Variants in ATP8A1 observed in about 807,000 individuals in gnomAD.
ATP8A1 encodes the protein ATPase phospholipid transporting 8A1.
A neutral mutation model predicts 177.7 loss-of-function variants in ATP8A1; 90 were observed. The ratio of observed to expected loss-of-function variants is 0.51; its 90% CI spans 0.43 to 0.60. ATP8A1 has a LOEUF of 0.60. Among genes scored for constraint, ATP8A1 ranks in the 20% least tolerant of loss-of-function variants. ATP8A1 has a pLI of 0.00. For synonymous variants in ATP8A1, 493 were observed against 485.9 expected (o/e 1.01, Z -0.19); for missense variants, 1,072 against 1,392.8 (o/e 0.77, Z 3.67).
chr4:42,576,475 CAAAAAAAAAAAAAAA>C (rs1159794343), intron 12 of ATP8A1, among the ~76,000 whole-genome samples: 24 of 32,404 alleles, frequency 7.4e-4, no homozygotes, highest in Admixed American at 4.8e-3. Flanking sequence ...GACGCCGTCT[CAAAAAAAAAAAAAAA>C]AAAAAAAAAA....
At chr4:42,548,395 G>T (rs769984724) in intron 19 of ATP8A1, among the ~76,000 whole-genome samples, 1 of 152,048 alleles carries the variant, frequency 6.6e-6, no homozygotes, top group Non-Finnish European at 1.5e-5. Context: ...ATTTCAAAAC[G>T]ATTTCTTTTT....
chr4:42,613,247 A>G (rs28690517), intron 5 of ATP8A1, among the ~76,000 whole-genome samples: 6,340 of 152,296 alleles, frequency 0.042, 178 homozygotes, highest in African/African-American at 0.077. Flanking sequence ...AAACAAAAAT[A>G]TACTATTCTC....
intron 24 of ATP8A1, among the ~76,000 whole-genome samples, chr4:42,490,421 G>A (rs1159663544): frequency 1.3e-5 from 2 of 152,160 alleles, no homozygotes; most frequent in African/African-American, 4.8e-5. Flanking sequence ...TCCATGTCTA[G>A]TGGATTCCAT....
intron 1 of ATP8A1, among the ~76,000 whole-genome samples, chr4:42,650,208 A>C (rs1740945319): frequency 6.6e-6 from 1 of 152,238 alleles, no homozygotes; most frequent in African/African-American, 2.4e-5. Context: ...TGAAGATAGA[A>C]AACCTAAAAT....
At chr4:42,429,461 A>C (rs899947801) in intron 33 of ATP8A1, among the ~76,000 whole-genome samples, 1 of 151,920 alleles carries the variant, frequency 6.6e-6, no homozygotes, top group African/African-American at 2.4e-5. Flanking sequence ...TACCAGCATT[A>C]ACAAAGATTT....
chr4:42,455,643 A>C lies in ATP8A1; in HGVS notation c.2620-44T>G. On this transcript the variant is annotated intron_variant, in intron 27 of 36. Transcript: ENST00000381668. The stretch of plus-strand genomic sequence containing the variant: ...AACCCCCAAATTAGAATACAAAAGC[A>C]TAAATGCATTGCTTAGAATCTGTTG... The C allele has an allele frequency of 3.2e-6, 5 of 1,563,776 alleles. No individual in the cohort carries two copies. The South Asian group carries it at 5.7e-5, about 18-fold the overall frequency.
At chr4:42,633,860 G>C (rs1229385138) in intron 1 of ATP8A1, among the ~76,000 whole-genome samples, 2 of 152,146 alleles carry the variant, frequency 1.3e-5, no homozygotes, top group Non-Finnish European at 2.9e-5. Flanking sequence ...GCTGAGTTGA[G>C]ACCTTGATGA....
chr4:42,648,018 G>A (rs1010229157), intron 1 of ATP8A1, among the ~76,000 whole-genome samples: 1 of 152,078 alleles, frequency 6.6e-6, no homozygotes, highest in Non-Finnish European at 1.5e-5. Context: ...AAAATTAACT[G>A]AAAAACTGAA....
intron 25 of ATP8A1, among the ~76,000 whole-genome samples, chr4:42,478,227 G>A (rs1015768612): frequency 6.6e-6 from 1 of 151,906 alleles, no homozygotes; most frequent in East Asian, 1.9e-4. Context: ...GTGGTGGCAC[G>A]CATCTGTGGT....
intron 5 of ATP8A1, among the ~76,000 whole-genome samples, chr4:42,606,664 G>C (rs943742088): frequency 1.3e-5 from 2 of 152,164 alleles, no homozygotes; most frequent in Admixed American, 1.3e-4. Context: ...CCCTGTGTGA[G>C]ACAACTCAAT....
chr4:42,605,162 T>C (rs942049739), intron 5 of ATP8A1, among the ~76,000 whole-genome samples: 2 of 152,208 alleles, frequency 1.3e-5, no homozygotes, highest in Non-Finnish European at 2.9e-5. Context: ...TGGTGAGTTA[T>C]ATGGTATGTG....
At chr4:42,446,262 G>A (rs1717240628) in intron 31 of ATP8A1, among the ~76,000 whole-genome samples, 1 of 152,020 alleles carries the variant, frequency 6.6e-6, no homozygotes, top group African/African-American at 2.4e-5. Context: ...ACCAGCCCCT[G>A]CAAACATACT....
At chr4:42,472,747 C>CAA (rs11315234) in intron 25 of ATP8A1, among the ~76,000 whole-genome samples, 18,224 of 110,890 alleles carry the variant, frequency 0.16, 1,440 homozygotes, top group South Asian at 0.22. Flanking sequence ...GAGACTGTCT[C>CAA]AAAAAAAAAA....
intron 15 of ATP8A1, among the ~76,000 whole-genome samples, chr4:42,558,106 A>G (rs1560458642): frequency 6.6e-6 from 1 of 152,162 alleles, no homozygotes; most frequent in Non-Finnish European, 1.5e-5. Context: ...TCCTCTAATC[A>G]GACAGCCTGG....
chr4:42,459,642 A>G, intron 27 of ATP8A1: 1 of 173,896 alleles, frequency 5.8e-6, no homozygotes, highest in Non-Finnish European at 1.2e-5. Flanking sequence ...ACAACAAAGA[A>G]TATTTTTTTG....
intron 22 of ATP8A1, among the ~76,000 whole-genome samples, chr4:42,513,752 G>A (rs958059929): frequency 1.3e-5 from 2 of 152,174 alleles, no homozygotes; most frequent in Non-Finnish European, 2.9e-5. Context: ...GACACCTGGC[G>A]AATTTTAGAA....
chr4:42,539,449 A>G (rs939205961), intron 20 of ATP8A1, among the ~76,000 whole-genome samples: 1 of 150,286 alleles, frequency 6.7e-6, no homozygotes, highest in African/African-American at 2.4e-5. Flanking sequence ...GTTAGAAAAA[A>G]TAATCCTAAA....
chr4:42,624,912 AATG>A (rs1467474248), intron 3 of ATP8A1, among the ~76,000 whole-genome samples: 1 of 152,148 alleles, frequency 6.6e-6, no homozygotes, highest in African/African-American at 2.4e-5. Context: ...TAACTATTAA[AATG>A]ATATTTTAGA....
intron 27 of ATP8A1, among the ~76,000 whole-genome samples, chr4:42,457,432 T>G (rs1180890604): frequency 6.6e-6 from 1 of 152,208 alleles, no homozygotes; most frequent in African/African-American, 2.4e-5. Flanking sequence ...TCTTTCAGAT[T>G]TCTTAAGGTA....
Sources: allele counts gnomAD v4.1 joint callset (sites outside exome capture counted in the v4.1 genomes callset), GRCh38; gene constraint gnomAD v4.1.1; transcripts MANE v1.5; gene names NCBI Gene and HGNC (gene_info 2026-07-23, HGNC 2026-07-21).